The following APBB1IP variants were observed in gnomAD, a reference collection of about 807,000 sequenced individuals.
APBB1IP encodes the protein amyloid beta precursor protein binding family B member 1 interacting protein.
APBB1IP carries 27 observed loss-of-function variants against 64.9 expected under a neutral mutation model. The observed-to-expected ratio is 0.42, with a 90% CI of 0.31 to 0.57. The LOEUF is 0.57. Ranked by LOEUF, APBB1IP falls within the 20% of genes least tolerant of loss-of-function variation. APBB1IP has a pLI of 0.20. For synonymous variants in APBB1IP, 392 were observed against 331.0 expected, an observed-to-expected ratio of 1.18 and a Z score of -2.00; for missense variants, 812 against 845.5, an observed-to-expected ratio of 0.96 and a Z score of 0.49.
In APBB1IP at chr10:26,514,729, C is replaced by T. The variant is rs879793322; in HGVS notation, c.813+1069C>T. 1.1e-4 allele frequency among the ~76,000 whole-genome samples: 17 copies of T among 151,670 alleles called. 1 individual carries two copies. The highest frequency in any genetic ancestry group is 4.6e-4 in the Admixed American group (7 of 15,230). On this transcript the variant is annotated intron_variant, in intron 8 of 14. Coordinates refer to ENST00000376236, the MANE Select transcript of APBB1IP (RefSeq NM_019043.4). ...AGGGAGAATTAGGGCAGCTTCCTTGCGGGAAAATTTCTCCTATAAATGCTA... is the reference window on the plus strand; with the variant it reads ...AGGGAGAATTAGGGCAGCTTCCTTGTGGGAAAATTTCTCCTATAAATGCTA...
intron 2 of APBB1IP, among the ~76,000 whole-genome samples, chr10:26,490,393 G>A (rs184533704): frequency 9.8e-5 from 15 of 152,300 alleles, no homozygotes; most frequent in Non-Finnish European, 1.9e-4. Flanking sequence ...GGGAAGCAGA[G>A]GCGGGCGGAT....
chr10:26,486,096 T>C (rs1268979775), intron 2 of APBB1IP, among the ~76,000 whole-genome samples: 1 of 151,896 alleles, frequency 6.6e-6, no homozygotes, highest in East Asian at 1.9e-4. Flanking sequence ...TGTAAAAAAA[T>C]ATAAATAAAT....
At chr10:26,551,355 C>T (rs1032745581) in intron 11 of APBB1IP, among the ~76,000 whole-genome samples, 7 of 152,114 alleles carry the variant, frequency 4.6e-5, no homozygotes, top group African/African-American at 1.7e-4. Context: ...TGTGTGGGTA[C>T]CGCAGTGGCT....
chr10:26,549,129 A>G (rs1836801328), intron 11 of APBB1IP, among the ~76,000 whole-genome samples: 1 of 152,194 alleles, frequency 6.6e-6, no homozygotes, highest in Non-Finnish European at 1.5e-5. Context: ...TGTCACATTT[A>G]TTGATTTGTA....
chr10:26,500,579 A>G (rs1836084378), intron 4 of APBB1IP, among the ~76,000 whole-genome samples: 1 of 152,098 alleles, frequency 6.6e-6, no homozygotes, highest in Non-Finnish European at 1.5e-5. Context: ...CATTTCCCCC[A>G]ATATTTTTTC....
chr10:26,479,033 GC>G lies in APBB1IP; in HGVS notation c.1-13292del, dbSNP rs1835807974. On this transcript the variant is annotated intron_variant, in intron 2 of 14. Coordinates refer to ENST00000376236, the MANE Select transcript of APBB1IP (RefSeq NM_019043.4). ...TTTTTAAAAATTGACATATATTCAC[GC>G]CTGTAATCCCAGCACTTTGGGAGGC... 3.4e-3 allele frequency among the ~76,000 whole-genome samples: 17 copies of G among 4,950 alleles called. 7 individuals are homozygous for G. The African/African-American group carries it at 0.04, about 12-fold the overall frequency. The allele number at this position is 4,950 out of a possible 152,430, so 3.2% of individuals were successfully genotyped here. A position where few individuals can be genotyped will look rare whatever the true frequency, so the allele number is the denominator to read the frequency against.
intron 8 of APBB1IP, among the ~76,000 whole-genome samples, chr10:26,526,041 G>A (rs1272162129): frequency 1.3e-5 from 2 of 152,216 alleles, no homozygotes; most frequent in Non-Finnish European, 1.5e-5. Context: ...GACAGGAAAA[G>A]GTGAGAGGGA....
intron 2 of APBB1IP, among the ~76,000 whole-genome samples, chr10:26,445,301 A>G (rs1457371131): frequency 6.6e-6 from 1 of 152,240 alleles, no homozygotes; most frequent in African/African-American, 2.4e-5. Flanking sequence ...TAAAATAAGA[A>G]TATAGTTAGC....
At chr10:26,527,285 C>T (rs787058) in intron 8 of APBB1IP, among the ~76,000 whole-genome samples, 9,819 of 152,176 alleles carry the variant, frequency 0.065, 509 homozygotes, top group East Asian at 0.26. Flanking sequence ...TGGTGGCTCA[C>T]ACCTGTAATC....
chr10:26,488,520 A>C (rs1055795498), intron 2 of APBB1IP, among the ~76,000 whole-genome samples: 7 of 152,184 alleles, frequency 4.6e-5, no homozygotes, highest in Admixed American at 1.3e-4. Context: ...GGCGTGAGTC[A>C]CCATGCCCAG....
intron 11 of APBB1IP, among the ~76,000 whole-genome samples, chr10:26,549,904 C>T (rs1328532060): frequency 6.6e-6 from 1 of 151,564 alleles, no homozygotes; most frequent in African/African-American, 2.4e-5. Context: ...TTAGTTTGTT[C>T]TTATTTTTTC....
At chr10:26,524,654 A>G (rs1836447566) in intron 8 of APBB1IP, among the ~76,000 whole-genome samples, 2 of 152,292 alleles carry the variant, frequency 1.3e-5, no homozygotes, top group Non-Finnish European at 1.5e-5. Flanking sequence ...CTTACATGTC[A>G]TAGGTGGATT....
intron 4 of APBB1IP, 145 bp from the exon 5 acceptor site, chr10:26,500,674 T>C (rs989154079): frequency 7.4e-6 from 6 of 806,764 alleles, no homozygotes; most frequent in Non-Finnish European, 9.6e-6. Context: ...TGCTATTGAA[T>C]TAAAATATTC....
At chr10:26,505,316 T>C (rs1229376883) in intron 6 of APBB1IP, among the ~76,000 whole-genome samples, 1 of 152,178 alleles carries the variant, frequency 6.6e-6, no homozygotes, top group Non-Finnish European at 1.5e-5. Context: ...GTTCCACTCA[T>C]TCCAAACGTG....
intron 10 of APBB1IP, among the ~76,000 whole-genome samples, chr10:26,540,196 T>A (rs959747090): frequency 6.6e-6 from 1 of 152,244 alleles, no homozygotes; most frequent in Admixed American, 6.5e-5. Context: ...TCGTTACACC[T>A]GTACCGTAGA....
chr10:26,487,496 T>A (rs1266626607), intron 2 of APBB1IP, among the ~76,000 whole-genome samples: 1 of 152,204 alleles, frequency 6.6e-6, no homozygotes, highest in Non-Finnish European at 1.5e-5. Flanking sequence ...CAAGCAAGTT[T>A]ACTTATGACT....
At chr10:26,441,607 G>GAAAT (rs1835338871) in intron 2 of APBB1IP, among the ~76,000 whole-genome samples, 1 of 152,094 alleles carries the variant, frequency 6.6e-6, no homozygotes, top group South Asian at 2.1e-4. Context: ...TGGTACCATG[G>GAAAT]AAATATCACA....
intron 13 of APBB1IP, among the ~76,000 whole-genome samples, chr10:26,561,788 T>C (rs1363095508): frequency 6.6e-6 from 1 of 152,160 alleles, no homozygotes. Context: ...TCCAGATTAT[T>C]TCAAGGACCC....
chr10:26,510,441 G>A (rs1290253320), intron 6 of APBB1IP, among the ~76,000 whole-genome samples: 1 of 152,160 alleles, frequency 6.6e-6, no homozygotes, highest in East Asian at 1.9e-4. Context: ...GGAATAAAAA[G>A]TAAATTAGGG....
Sources: allele counts gnomAD v4.1 joint callset (sites outside exome capture counted in the v4.1 genomes callset), GRCh38; gene constraint gnomAD v4.1.1; transcripts MANE v1.5; gene names NCBI Gene and HGNC (gene_info 2026-07-23, HGNC 2026-07-21).